MCF2L: variants seen among roughly 807,000 people sequenced by gnomAD.
The protein encoded by MCF2L is guanine nucleotide exchange factor DBS.
A neutral mutation model predicts 153.4 loss-of-function variants in MCF2L; 97 were observed. The observed-to-expected ratio is 0.63, with a 90% CI of 0.54 to 0.75. The LOEUF (loss-of-function observed/expected upper bound fraction) is 0.75, where lower values mean the gene tolerates loss of function less well. Ranked by LOEUF, MCF2L falls within the 30% of genes least tolerant of loss-of-function variation. The probability of loss-of-function intolerance (pLI) is 0.00; values close to 1 mark genes in which losing one functional copy is unlikely to be tolerated. For synonymous variants in MCF2L, 659 were observed against 632.2 expected, an observed-to-expected ratio of 1.04 and a Z score of -0.64; for missense variants, 1,347 against 1,495.2, an observed-to-expected ratio of 0.90 and a Z score of 1.64.
intron 17 of MCF2L, among the ~76,000 whole-genome samples, chr13:113,082,786 G>A (rs1372359030): frequency 2.0e-5 from 3 of 152,192 alleles, no homozygotes; most frequent in African/African-American, 7.2e-5. Context: ...GCCGCCAGCC[G>A]TGAGGAGAGG....
At chr13:113,090,204 G>A (rs192623794) in intron 26 of MCF2L, 108 of 1,490,856 alleles carry the variant, frequency 7.2e-5, no homozygotes, top group African/African-American at 1.3e-4. Context: ...CCGTGGTGGC[G>A]TCTGTCATGC....
At chr13:112,894,955 G>A (rs950285097) in intron 1 of MCF2L, among the ~76,000 whole-genome samples, 2 of 102,658 alleles carry the variant, frequency 1.9e-5, no homozygotes, top group African/African-American at 3.2e-5. Flanking sequence ...AGTGCTGGAG[G>A]GGAGGGTAGC....
At chr13:112,898,127 C>T (rs565573492) in intron 1 of MCF2L, among the ~76,000 whole-genome samples, 17 of 152,352 alleles carry the variant, frequency 1.1e-4, no homozygotes, top group African/African-American at 3.6e-4. Flanking sequence ...GTGGATGACA[C>T]GGTGTCGTGA....
intron 2 of MCF2L, among the ~76,000 whole-genome samples, chr13:112,944,885 G>A (rs990247386): frequency 6.6e-6 from 1 of 152,182 alleles, no homozygotes; most frequent in Non-Finnish European, 1.5e-5. Flanking sequence ...AGCAAGGTCT[G>A]CCTGATGCCA....
intron 2 of MCF2L, among the ~76,000 whole-genome samples, chr13:112,945,054 C>T (rs923699836): frequency 2.0e-5 from 3 of 147,326 alleles, no homozygotes; most frequent in Non-Finnish European, 4.5e-5. Context: ...CAGGGTGGGC[C>T]CTGAAGGGAG....
chr13:113,092,650 T>C (rs1296825137), intron 26 of MCF2L, among the ~76,000 whole-genome samples: 6 of 152,254 alleles, frequency 3.9e-5, no homozygotes, highest in African/African-American at 9.6e-5. Flanking sequence ...GGCACCTTCC[T>C]GGCCATCACC....
At chr13:112,938,111 CGCTG>C (rs1566649727) in intron 2 of MCF2L, among the ~76,000 whole-genome samples, 36 of 127,648 alleles carry the variant, frequency 2.8e-4, no homozygotes, top group African/African-American at 1.0e-3. Context: ...TTCAGGTGAG[CGCTG>C]AGGGGTTGGT....
chr13:112,928,200 G>A lies in MCF2L; in HGVS notation c.169+25829G>A, dbSNP rs146833344. 8.4e-4 allele frequency among the ~76,000 whole-genome samples: 128 copies of A among 152,318 alleles called. 1 individual carries two copies. The highest frequency in any genetic ancestry group is 3.9e-3 in the Admixed American group (59 of 15,304). On this transcript the variant is annotated intron_variant, in intron 2 of 29. Transcript: ENST00000375608. ...GATGGTGGTGGGCAGCCGTTGCTGGGGATGCGGGTGAAACGCGGCCGGCCG... is the reference window on the plus strand; with the variant it reads ...GATGGTGGTGGGCAGCCGTTGCTGGAGATGCGGGTGAAACGCGGCCGGCCG...
intron 1 of MCF2L, among the ~76,000 whole-genome samples, chr13:113,003,329 G>A (rs2083489326): frequency 1.3e-5 from 2 of 151,560 alleles, no homozygotes; most frequent in South Asian, 4.2e-4. Context: ...GGGTTATGGG[G>A]TTGGCTGTGG....
intron 2 of MCF2L, among the ~76,000 whole-genome samples, chr13:113,018,543 C>T (rs2141230947): frequency 6.6e-6 from 1 of 152,306 alleles, no homozygotes; most frequent in East Asian, 1.9e-4. Context: ...TGCATGGGTG[C>T]TCCAAACCCA....
At chr13:113,001,637 G>C (rs995901184) in intron 1 of MCF2L, 7 of 1,269,518 alleles carry the variant, frequency 5.5e-6, no homozygotes, top group South Asian at 2.5e-5. Context: ...CTCCCTGGCC[G>C]GGGCTCAGCT....
chr13:112,985,917 G>A (rs981346076), intron 1 of MCF2L, among the ~76,000 whole-genome samples: 8 of 152,168 alleles, frequency 5.3e-5, no homozygotes, highest in Non-Finnish European at 8.8e-5. Context: ...CCTGAGGATC[G>A]GCCCCGGCAC....
chr13:113,094,260 G>T, intron 26 of MCF2L: 1 of 270,806 alleles, frequency 3.7e-6, no homozygotes, highest in Non-Finnish European at 6.9e-6. Context: ...CAGGGCCTGG[G>T]GATCGAGGTC....
chr13:112,898,282 C>G (rs945398188), intron 1 of MCF2L, among the ~76,000 whole-genome samples: 2 of 152,228 alleles, frequency 1.3e-5, no homozygotes, highest in Non-Finnish European at 1.5e-5. Flanking sequence ...CAGCTTCCCC[C>G]AGCACGGACA....
intron 3 of MCF2L, chr13:113,040,411 C>CGTGTGTGTGTGTGTGTGTGTGTGTGTGT (rs1566784016): frequency 2.9e-4 from 6 of 21,004 alleles, no homozygotes; most frequent in Admixed American, 7.1e-4. Context: ...GGAGGGCCTT[C>CGTGTGTGTGTGTGTGTGTGTGTGTGTGT]CTGTGTGTGT....
chr13:113,065,762 C>T (rs1435229042), intron 7 of MCF2L, among the ~76,000 whole-genome samples: 5 of 152,218 alleles, frequency 3.3e-5, no homozygotes, highest in Admixed American at 3.3e-4. Context: ...GGAGCAGGCA[C>T]CATGAGAAAG....
chr13:112,908,739 TTTG>T (rs1316557439), intron 2 of MCF2L, among the ~76,000 whole-genome samples: 1 of 60,682 alleles, frequency 1.6e-5, no homozygotes, highest in Non-Finnish European at 3.3e-5. Context: ...TTGGTTTTTT[TTTG>T]TTTTTTTTTG....
chr13:112,903,043 C>T (rs2081135108), intron 2 of MCF2L, among the ~76,000 whole-genome samples: 1 of 152,218 alleles, frequency 6.6e-6, no homozygotes, highest in Non-Finnish European at 1.5e-5. Flanking sequence ...TTATTTGTTG[C>T]CATTTCTTCC....
At chr13:112,968,437 G>A (rs2081934101), upstream of MCF2L, 2 of 1,584,554 alleles carry the variant, frequency 1.3e-6, no homozygotes, top group South Asian at 1.1e-5. Context: ...TGCGTGTGTC[G>A]AGTGCACAGT....
Sources: gnomAD v4.1 joint callset for allele counts (sites outside exome capture counted in the v4.1 genomes callset) on GRCh38, gnomAD v4.1.1 for gene constraint, MANE v1.5 for transcripts, NCBI Gene and HGNC (gene_info 2026-07-23, HGNC 2026-07-21) for gene names.